The following PLXNA1 variants were observed in gnomAD, a reference collection of about 807,000 sequenced individuals.
PLXNA1 encodes the protein plexin-A1.
A neutral mutation model predicts 191.7 loss-of-function variants in PLXNA1; 77 were observed. That is an observed-to-expected ratio of 0.40 (90% CI 0.33 to 0.49). The LOEUF (loss-of-function observed/expected upper bound fraction) is 0.49. Among genes scored for constraint, PLXNA1 ranks in the 20% least tolerant of loss-of-function variants. The pLI is 0.63. For missense variants in PLXNA1, 2,110 were observed against 2,660.2 expected, an observed-to-expected ratio of 0.79 and a Z score of 4.55; for synonymous variants, 1,137 against 1,156.4, an observed-to-expected ratio of 0.98 and a Z score of 0.34.
At chr3:127,027,902 G>T (rs1300769790) in intron 23 of PLXNA1, 38 bp from the exon 24 acceptor site, 1 of 1,611,422 alleles carries the variant, frequency 6.2e-7, no homozygotes, top group Non-Finnish European at 8.5e-7. Flanking sequence ...GGTAGGCCCG[G>T]GGGTCCTGGC....
chr3:127,033,103 C>G lies in PLXNA1; in HGVS notation c.5595+267C>G, dbSNP rs367964033. On this transcript the variant is annotated intron_variant, in intron 31 of 31. Coordinates refer to ENST00000393409, the MANE Select transcript of PLXNA1 (RefSeq NM_032242.4). ...ATGGGATGGCAGCTTCTTCCTGAGG[C>G]AGAGGGTGTGTGGGTGGTGAGCAAC... 8.3e-4 allele frequency among the ~76,000 whole-genome samples: 127 copies of G among 152,320 alleles called. 2 individuals are homozygous for G. The highest frequency in any genetic ancestry group is 2.4e-3 in the African/African-American group (101 of 41,570).
At chr3:127,016,247 G>T (rs2079122891) in intron 15 of PLXNA1, among the ~76,000 whole-genome samples, 1 of 152,108 alleles carries the variant, frequency 6.6e-6, no homozygotes, top group Non-Finnish European at 1.5e-5. Context: ...CGACAGGGAG[G>T]CTGTGATGAA....
At chr3:126,987,142 A>G (rs2078962815) in intron 1 of PLXNA1, among the ~76,000 whole-genome samples, 1 of 152,210 alleles carries the variant, frequency 6.6e-6, no homozygotes, top group East Asian at 1.9e-4. Context: ...TCTTTCATCC[A>G]TGAGAAAAGA....
chr3:127,027,648 G>A, intron 23 of PLXNA1: 1 of 557,844 alleles, frequency 1.8e-6, no homozygotes, highest in Middle Eastern at 2.8e-4. Flanking sequence ...CCCTGATGCA[G>A]GTCCCGCGTG....
chr3:127,002,882 C>G (rs1290498557), intron 3 of PLXNA1, among the ~76,000 whole-genome samples: 2 of 152,130 alleles, frequency 1.3e-5, no homozygotes, highest in Non-Finnish European at 2.9e-5. Flanking sequence ...GTCTCCTGGT[C>G]CACTGCCCTA....
At position 127,028,187 on chromosome 3, in the gene PLXNA1, A is replaced by T. The variant is rs746383108; in HGVS notation, c.4516A>T (p.Asn1506Tyr). ...TGCTCCACCCCGCCCGCAGACCCTG[A>T]ACTGTGTGAACCCTGAGAATGAGAA... ...QQIDYKTLTLNCVNPENENAP... is the reference protein window; with the variant it reads ...QQIDYKTLTLYCVNPENENAP... Residue 1506 changes from asparagine (N) to tyrosine (Y), a missense_variant, in exon 25 of 32, where the codon AAC becomes TAC. Asn to Tyr is a moderately radical substitution (Grantham distance 143). Around this residue, in one of 4 missense-constraint regions of PLXNA1, gnomAD observed 559 missense variants for 911.5 expected, o/e 0.61. Transcript: ENST00000393409. 1.2e-6 allele frequency: 2 copies of T among 1,613,134 alleles called. No homozygotes were observed. Among genetic ancestry groups the T allele is most frequent in the Non-Finnish European group, 1.7e-6 (2 of 1,179,958 alleles).
intron 20 of PLXNA1, among the ~76,000 whole-genome samples, chr3:127,019,792 A>T (rs1269762250): frequency 6.6e-6 from 1 of 152,062 alleles, no homozygotes; most frequent in East Asian, 1.9e-4. Context: ...CAGGCCCGAG[A>T]TGTGCATGCA....
intron 21 of PLXNA1, among the ~76,000 whole-genome samples, chr3:127,021,693 C>T (rs189689938): frequency 8.5e-5 from 13 of 152,278 alleles, no homozygotes; most frequent in Middle Eastern, 3.4e-3. Flanking sequence ...GCTGCAGGCC[C>T]GCTGCAGGGG....
At position 127,034,146 on chromosome 3, in the gene PLXNA1, C is replaced by A; in HGVS notation, c.*129C>A. ...CGCCGCAGTGCAGCGACTGCCCGGC[C>A]CTCCCTCCCCTGCCTCACCCGGTCG... On this transcript the variant is annotated 3_prime_UTR_variant, in exon 32 of 32. Coordinates refer to ENST00000393409, the MANE Select transcript of PLXNA1 (RefSeq NM_032242.4). 2 of 790,484 alleles carry A rather than the reference C, an allele frequency of 2.5e-6. No individual in the cohort carries two copies. The highest frequency in any genetic ancestry group is 4.0e-6 in the Non-Finnish European group (2 of 499,536). The allele number at this position is 790,484 out of a possible 1,614,324, so 49.0% of individuals were successfully genotyped here. A position where few individuals can be genotyped will look rare whatever the true frequency, so the allele number is the denominator to read the frequency against.
intron 23 of PLXNA1, chr3:127,027,257 G>A (rs143023967): frequency 1.6e-4 from 39 of 244,768 alleles, no homozygotes; most frequent in Non-Finnish European, 2.3e-4. Flanking sequence ...ATGCTACAGC[G>A]CGGGGAGCCG....
At chr3:127,004,770 G>T in intron 5 of PLXNA1, 59 bp downstream of exon 5, 1 of 1,590,192 alleles carries the variant, frequency 6.3e-7, no homozygotes, top group Non-Finnish European at 8.6e-7. Context: ...CTCACAGTGG[G>T]GGAGGGGGAG....
At chr3:127,013,558 C>G (rs2079106239) in intron 10 of PLXNA1, among the ~76,000 whole-genome samples, 3 of 152,238 alleles carry the variant, frequency 2.0e-5, no homozygotes, top group African/African-American at 7.2e-5. Flanking sequence ...CAGAGCTGCA[C>G]CTGACAGTGA....
chr3:126,991,171 G>A (rs2078988180), intron 2 of PLXNA1, among the ~76,000 whole-genome samples: 1 of 152,246 alleles, frequency 6.6e-6, no homozygotes, highest in Admixed American at 6.5e-5. Context: ...GCTATTGATT[G>A]CTTTCTCGTG....
chr3:127,029,823 G>A (rs773380759), intron 27 of PLXNA1, 51 bp from the exon 28 acceptor site: 34 of 1,501,498 alleles, frequency 2.3e-5, no homozygotes, highest in African/African-American at 9.7e-5. Flanking sequence ...AGGCTCGGGC[G>A]GGGGGTGCGG....
rs762629059 is a variant in PLXNA1 at position 127,030,357 on chromosome 3, G to A, written c.5176G>A (p.Ala1726Thr). ...KYMFDFLDEQ[A>T]DKHQIHDADV... Reference sequence around the variant, plus strand: ...CATGTTCGACTTCCTGGATGAGCAGGCCGACAAGCACCAGATCCACGATGC... The same window carrying A: ...CATGTTCGACTTCCTGGATGAGCAGACCGACAAGCACCAGATCCACGATGC... Residue 1726 changes from alanine (A) to threonine (T), a missense_variant, in exon 29 of 32, where the codon GCC (alanine) becomes ACC (threonine). Around this residue, in one of 4 missense-constraint regions of PLXNA1, gnomAD observed 559 missense variants for 911.5 expected, o/e 0.61. Transcript: ENST00000393409. 2.5e-6 allele frequency: 4 copies of A among 1,614,040 alleles called. No individual in the cohort carries two copies. The highest frequency in any genetic ancestry group is 3.4e-6 in the Non-Finnish European group (4 of 1,180,012).
rs752613544 is a variant in PLXNA1, at chr3:127,029,902, C to T, written c.4899C>T (p.Pro1633=). Residue 1633 remains proline (P), a synonymous_variant, in exon 28 of 32, where the codon CCC becomes CCT. Transcript: ENST00000393409. ...YESMLRTASS[P]DSLRSRTPMI... The stretch of plus-strand genomic sequence containing the variant: ...GCATGCTGCGCACGGCCAGCAGCCC[C>T]GACAGCCTGCGCTCGCGCACGCCCA... 29 of 1,611,700 alleles carry T rather than the reference C, an allele frequency of 1.8e-5. No individual in the cohort carries two copies. The highest frequency in any genetic ancestry group is 8.3e-5 in the Admixed American group (5 of 59,936).
At chr3:127,009,195 CAG>C (rs201012419) in intron 9 of PLXNA1, among the ~76,000 whole-genome samples, 4,002 of 152,188 alleles carry the variant, frequency 0.026, 80 homozygotes, top group Non-Finnish European at 0.039. Context: ...CAGTGGTCGT[CAG>C]GGGTGGTAGC....
chr3:127,000,130 G>A (rs759894399), intron 3 of PLXNA1, among the ~76,000 whole-genome samples: 59 of 151,758 alleles, frequency 3.9e-4, no homozygotes, highest in Non-Finnish European at 7.4e-4. Flanking sequence ...CATGGGCAGC[G>A]CCAGCTCCTG....
intron 23 of PLXNA1, among the ~76,000 whole-genome samples, chr3:127,023,327 C>T (rs1318437596): frequency 2.6e-5 from 4 of 152,246 alleles, no homozygotes; most frequent in African/African-American, 9.6e-5. Flanking sequence ...GGATGGGGAT[C>T]TGGGTGGGCT....
Sources: allele counts gnomAD v4.1 joint callset (sites outside exome capture counted in the v4.1 genomes callset), GRCh38; gene constraint gnomAD v4.1.1; regional missense constraint gnomAD v4.1.1; transcripts MANE v1.5; gene names NCBI Gene and HGNC (gene_info 2026-07-23, HGNC 2026-07-21).